Variants in PCDH15 observed in about 807,000 individuals in gnomAD.
PCDH15 encodes the protein protocadherin-15.
In PCDH15, 129 loss-of-function variants were observed where a neutral mutation model predicts 178.5. The ratio of observed to expected loss-of-function variants is 0.72; its 90% CI spans 0.63 to 0.84. PCDH15 has a LOEUF of 0.84. PCDH15 is among the 40% of genes least tolerant of loss of function. PCDH15 has a pLI of 0.00. For missense variants in PCDH15, 2,230 were observed against 2,099.9 expected, an observed-to-expected ratio of 1.06 and a Z score of -1.21; for synonymous variants, 800 against 732.0, an observed-to-expected ratio of 1.09 and a Z score of -1.50.
chr10:54,307,859 C>T (rs986944542), intron 8 of PCDH15, among the ~76,000 whole-genome samples: 3 of 151,984 alleles, frequency 2.0e-5, no homozygotes, highest in Admixed American at 6.6e-5. Context: ...TTAGCTACTT[C>T]TTCCCATGTG....
At chr10:55,377,904 G>T (rs369074833) in intron 2 of PCDH15, among the ~76,000 whole-genome samples, 1 of 152,004 alleles carries the variant, frequency 6.6e-6, no homozygotes, top group African/African-American at 2.4e-5. Context: ...CATGTCCTTC[G>T]TGGCGACATA....
At chr10:54,411,614 G>T (rs1953528221) in intron 3 of PCDH15, among the ~76,000 whole-genome samples, 1 of 152,130 alleles carries the variant, frequency 6.6e-6, no homozygotes, top group South Asian at 2.1e-4. Flanking sequence ...AGTGTGACTA[G>T]AAAATAGTAA....
chr10:54,265,415 T>C (rs2057607331), intron 8 of PCDH15, among the ~76,000 whole-genome samples: 2 of 151,400 alleles, frequency 1.3e-5, no homozygotes, highest in African/African-American at 4.9e-5. Flanking sequence ...AAATCTCACA[T>C]ATAAAAGTTA....
At chr10:54,073,053 G>T (rs2094275739) in intron 17 of PCDH15, among the ~76,000 whole-genome samples, 1 of 151,978 alleles carries the variant, frequency 6.6e-6, no homozygotes, top group South Asian at 2.1e-4. Flanking sequence ...TAGGAAGATT[G>T]CATCAGGTAT....
intron 2 of PCDH15, among the ~76,000 whole-genome samples, chr10:55,067,508 C>G (rs1006554576): frequency 6.6e-6 from 1 of 151,864 alleles, no homozygotes; most frequent in Non-Finnish European, 1.5e-5. Flanking sequence ...GATTCCATAT[C>G]TTTGTTATTG....
At chr10:55,285,084 A>G (rs946700791) in intron 1 of PCDH15, among the ~76,000 whole-genome samples, 8 of 151,030 alleles carry the variant, frequency 5.3e-5, no homozygotes, top group Non-Finnish European at 1.0e-4. Context: ...TGAGCTTTCC[A>G]TCTATGTTTT....
intron 3 of PCDH15, among the ~76,000 whole-genome samples, chr10:54,513,711 G>T (rs183123294): frequency 6.6e-6 from 1 of 152,066 alleles, no homozygotes; most frequent in African/African-American, 2.4e-5. Context: ...TAAATAGGCA[G>T]GTAAGTCTCA....
intron 15 of PCDH15, among the ~76,000 whole-genome samples, chr10:54,103,843 T>C (rs1245297628): frequency 6.6e-6 from 1 of 152,228 alleles, no homozygotes; most frequent in Non-Finnish European, 1.5e-5. Context: ...TTGAACTCTA[T>C]GTTTCTTCCA....
chr10:55,626,350 C>G (rs1331977567), intron 2 of PCDH15, among the ~76,000 whole-genome samples: 1 of 152,068 alleles, frequency 6.6e-6, no homozygotes, highest in Non-Finnish European at 1.5e-5. Context: ...CCGAAATCTA[C>G]AGCACGCATG....
At chr10:54,655,342 A>C (rs1051356277) in intron 2 of PCDH15, among the ~76,000 whole-genome samples, 6 of 124,404 alleles carry the variant, frequency 4.8e-5, no homozygotes, top group Non-Finnish European at 8.9e-5. Flanking sequence ...GAGAGAAAGA[A>C]AGAAAGAACA....
At chr10:53,943,732 C>A (rs2086281511) in intron 23 of PCDH15, among the ~76,000 whole-genome samples, 2 of 152,034 alleles carry the variant, frequency 1.3e-5, no homozygotes, top group Non-Finnish European at 2.9e-5. Context: ...CAAAATTTCT[C>A]CTCATTAACC....
chr10:54,675,061 G>A (rs77456539), intron 1 of PCDH15, among the ~76,000 whole-genome samples: 4 of 151,980 alleles, frequency 2.6e-5, no homozygotes, highest in East Asian at 3.9e-4. Context: ...AAAAGTAGTC[G>A]TTCTCTCTCT....
intron 21 of PCDH15, among the ~76,000 whole-genome samples, chr10:53,992,018 C>T (rs1437046285): frequency 2.0e-5 from 3 of 152,088 alleles, no homozygotes; most frequent in African/African-American, 4.8e-5. Flanking sequence ...AATCTTGCTG[C>T]TGCTTACTGT....
chr10:54,235,529 G>A (rs1365852512), intron 9 of PCDH15, among the ~76,000 whole-genome samples: 1 of 151,942 alleles, frequency 6.6e-6, no homozygotes, highest in East Asian at 1.9e-4. Context: ...TTTCCACCTG[G>A]AAACTCCTGT....
intron 2 of PCDH15, among the ~76,000 whole-genome samples, chr10:54,617,100 T>G (rs1024213743): frequency 6.6e-6 from 1 of 151,924 alleles, no homozygotes; most frequent in Non-Finnish European, 1.5e-5. Flanking sequence ...TTTCACCATG[T>G]TGGCCAGCCT....
At chr10:53,902,246 G>A (rs1366328211) in intron 26 of PCDH15, among the ~76,000 whole-genome samples, 2 of 152,088 alleles carry the variant, frequency 1.3e-5, no homozygotes, top group African/African-American at 4.8e-5. Flanking sequence ...TTAGCATAGT[G>A]GAAGAGCTAT....
intron 6 of PCDH15, among the ~76,000 whole-genome samples, chr10:54,334,229 T>C (rs1427791842): frequency 6.6e-6 from 1 of 152,168 alleles, no homozygotes; most frequent in East Asian, 1.9e-4. Flanking sequence ...CAATTCTCCA[T>C]TTAGTAAAAT....
chr10:54,208,836 G>T (rs1271193237), intron 10 of PCDH15, among the ~76,000 whole-genome samples: 1 of 151,954 alleles, frequency 6.6e-6, no homozygotes, highest in African/African-American at 2.4e-5. Flanking sequence ...TATGTCATTT[G>T]TAGCATTTGT....
intron 1 of PCDH15, among the ~76,000 whole-genome samples, chr10:54,763,191 G>T (rs1688289938): frequency 6.6e-6 from 1 of 152,034 alleles, no homozygotes; most frequent in South Asian, 2.1e-4. Context: ...AACACAAAGG[G>T]TAATACCGGG....
Sources: allele counts gnomAD v4.1 joint callset (sites outside exome capture counted in the v4.1 genomes callset), GRCh38; gene constraint gnomAD v4.1.1; transcripts MANE v1.5; gene names NCBI Gene and HGNC (gene_info 2026-07-23, HGNC 2026-07-21).